The following TRABD2B variants were observed in gnomAD, a reference collection of about 807,000 sequenced individuals.
The protein encoded by TRABD2B is metalloprotease TIKI2.
A neutral mutation model predicts 40.1 loss-of-function variants in TRABD2B; 14 were observed. That is an observed-to-expected ratio of 0.35 (90% confidence interval 0.23 to 0.55). The LOEUF is 0.55. Ranked by LOEUF, TRABD2B falls within the 20% of genes least tolerant of loss-of-function variation. TRABD2B has a pLI of 0.90. For missense variants in TRABD2B, 541 were observed against 648.6 expected, an observed-to-expected ratio of 0.83 and a Z score of 1.80; for synonymous variants, 263 against 277.0, an observed-to-expected ratio of 0.95 and a Z score of 0.50.
intron 2 of TRABD2B, among the ~76,000 whole-genome samples, chr1:47,968,854 T>A (rs1330060362): frequency 2.0e-5 from 3 of 152,196 alleles, no homozygotes; most frequent in African/African-American, 7.2e-5. Context: ...ACCCTGAACA[T>A]TGTTTTGTTT....
rs115097838 is a variant in TRABD2B at position 47,855,654 on chromosome 1, C to A, written c.667-54035G>T. Among the ~76,000 whole-genome samples, 678 of 152,288 alleles carry A rather than the reference C, an allele frequency of 4.5e-3. 6 individuals are homozygous for A. The highest frequency in any genetic ancestry group is 0.016 in the African/African-American group (665 of 41,546). ...GCTATGGATGGAATGCTTGTGTTCT[C>A]CCAAACTTCCTATGCTGAAATGTGA... On this transcript the variant is annotated intron_variant, in intron 2 of 6. Transcript: ENST00000606738.
chr1:47,955,486 C>T (rs1645406458), intron 2 of TRABD2B, among the ~76,000 whole-genome samples: 2 of 152,210 alleles, frequency 1.3e-5, no homozygotes, highest in Admixed American at 6.5e-5. Context: ...TCAAAGCTCC[C>T]CATTCTGGCC....
intron 2 of TRABD2B, among the ~76,000 whole-genome samples, chr1:47,892,474 T>C (rs1281864026): frequency 6.6e-6 from 1 of 151,310 alleles, no homozygotes; most frequent in East Asian, 1.9e-4. Context: ...ATCCAGAGAG[T>C]TTGTACGAAG....
intron 2 of TRABD2B, among the ~76,000 whole-genome samples, chr1:47,986,087 T>C (rs1645915214): frequency 6.6e-6 from 1 of 152,108 alleles, no homozygotes; most frequent in Non-Finnish European, 1.5e-5. Context: ...AGTGGAGGGA[T>C]GCTGTGAGCC....
intron 2 of TRABD2B, among the ~76,000 whole-genome samples, chr1:47,905,680 C>T (rs554405163): frequency 6.6e-6 from 1 of 152,312 alleles, no homozygotes; most frequent in East Asian, 1.9e-4. Context: ...CTCTGTATGT[C>T]TATCTCTCTG....
chr1:47,845,128 CCT>C (rs1360356420), intron 2 of TRABD2B, among the ~76,000 whole-genome samples: 3 of 152,084 alleles, frequency 2.0e-5, no homozygotes, highest in Non-Finnish European at 4.4e-5. Context: ...AGCTTTGGCC[CCT>C]GTGTTCCAAT....
chr1:47,831,807 C>T (rs960048641), intron 2 of TRABD2B, among the ~76,000 whole-genome samples: 13 of 152,186 alleles, frequency 8.5e-5, no homozygotes, highest in Non-Finnish European at 1.6e-4. Context: ...ACACGGAGCA[C>T]CTGGCTCTTT....
At chr1:47,965,513 C>T (rs1030660451) in intron 2 of TRABD2B, among the ~76,000 whole-genome samples, 12 of 152,090 alleles carry the variant, frequency 7.9e-5, no homozygotes, top group Non-Finnish European at 1.5e-4. Flanking sequence ...ACTGCCCCTT[C>T]CCTCCCCTTT....
intron 2 of TRABD2B, among the ~76,000 whole-genome samples, chr1:47,946,458 T>G (rs1191909993): frequency 6.6e-6 from 1 of 152,168 alleles, no homozygotes; most frequent in Non-Finnish European, 1.5e-5. Context: ...ATATTGAATT[T>G]TGTCAAAGGC....
chr1:47,941,087 T>C (rs922365403), intron 2 of TRABD2B, among the ~76,000 whole-genome samples: 1 of 151,988 alleles, frequency 6.6e-6, no homozygotes, highest in Non-Finnish European at 1.5e-5. Context: ...TCCTCCTTTC[T>C]CTCTGTGGCC....
chr1:47,878,248 G>A (rs763082130), intron 2 of TRABD2B, among the ~76,000 whole-genome samples: 10 of 152,062 alleles, frequency 6.6e-5, no homozygotes, highest in African/African-American at 2.2e-4. Context: ...CCCGAGAAGC[G>A]GAGGTTGCAG....
chr1:47,765,603 T>C lies in TRABD2B; in HGVS notation c.*299A>G. 2.3e-6 allele frequency: 1 copy of C among 432,766 alleles called. No individual in the cohort carries two copies. The allele number at this position is 432,766 out of a possible 1,614,324, so 26.8% of individuals were successfully genotyped here. A position where few individuals can be genotyped will look rare whatever the true frequency, so the allele number is the denominator to read the frequency against. On this transcript the variant is annotated 3_prime_UTR_variant, in exon 7 of 7. Transcript: ENST00000606738. ...TCCCCTCCCGGGCCAGCACTAGGGCTAGGGGGTTATAACACAGGCCACATA... is the reference window on the plus strand; with the variant it reads ...TCCCCTCCCGGGCCAGCACTAGGGCCAGGGGGTTATAACACAGGCCACATA...
At chr1:47,952,603 C>T (rs568149801) in intron 2 of TRABD2B, among the ~76,000 whole-genome samples, 1 of 152,320 alleles carries the variant, frequency 6.6e-6, no homozygotes, top group South Asian at 2.1e-4. Context: ...GCCTCGAGCA[C>T]ACCTCTCCCT....
At position 47,926,596 on chromosome 1, in the gene TRABD2B, G is replaced by A. The variant is rs13376304; in HGVS notation, c.666+67438C>T. Among the ~76,000 whole-genome samples the A allele has an allele frequency of 7.2e-3, 1,092 of 152,244 alleles. 9 individuals carry two copies. Among genetic ancestry groups the A allele is most frequent in the African/African-American group, 0.025 (1,033 of 41,534 alleles). On this transcript the variant is annotated intron_variant, in intron 2 of 6. Coordinates refer to ENST00000606738, the MANE Select transcript of TRABD2B (RefSeq NM_001194986.2). ...CTAGACCACCTCCAGATCCTCCCAT[G>A]CTGTGGGATAAGATCTGGCGGCAGG...
intron 2 of TRABD2B, among the ~76,000 whole-genome samples, chr1:47,991,777 A>T (rs2148461782): frequency 6.6e-6 from 1 of 152,356 alleles, no homozygotes; most frequent in Non-Finnish European, 1.5e-5. Context: ...GAGGAAAGAA[A>T]AAATAAAAAT....
At chr1:47,891,972 C>T (rs1168754801) in intron 2 of TRABD2B, among the ~76,000 whole-genome samples, 1 of 152,156 alleles carries the variant, frequency 6.6e-6, no homozygotes, top group East Asian at 1.9e-4. Context: ...TCTTAGGCCA[C>T]ATTAGGATTT....
intron 2 of TRABD2B, among the ~76,000 whole-genome samples, chr1:47,965,353 C>T (rs1240531790): frequency 2.0e-5 from 3 of 150,768 alleles, no homozygotes; most frequent in Admixed American, 1.3e-4. Context: ...GACAAAGTTA[C>T]AGATCTGGAC....
chr1:47,942,790 C>T (rs1283507079), intron 2 of TRABD2B, among the ~76,000 whole-genome samples: 2 of 152,070 alleles, frequency 1.3e-5, no homozygotes, highest in East Asian at 1.9e-4. Flanking sequence ...GTTGAAGTAA[C>T]GGAAGCAGAG....
chr1:47,917,354 TCAGG>T (rs2124723999), intron 2 of TRABD2B, among the ~76,000 whole-genome samples: 1 of 152,252 alleles, frequency 6.6e-6, no homozygotes, highest in African/African-American at 2.4e-5. Flanking sequence ...TGGGTGGGCG[TCAGG>T]CAGCAGGCTG....
Sources: gnomAD v4.1 joint callset for allele counts (sites outside exome capture counted in the v4.1 genomes callset) on GRCh38, gnomAD v4.1.1 for gene constraint, MANE v1.5 for transcripts, NCBI Gene and HGNC (gene_info 2026-07-23, HGNC 2026-07-21) for gene names.